Variants in NPHP1 observed in about 807,000 individuals in gnomAD.
The protein encoded by NPHP1 is nephrocystin-1.
A neutral mutation model predicts 90.4 loss-of-function variants in NPHP1; 70 were observed. The observed-to-expected ratio is 0.77, with a 90% CI of 0.64 to 0.95. The LOEUF is 0.95. Among genes scored for constraint, NPHP1 ranks in the 40% least tolerant of loss-of-function variants. The pLI, the probability that NPHP1 is intolerant of heterozygous loss-of-function variation, is 0.00. For synonymous variants in NPHP1, 256 were observed against 271.7 expected, an observed-to-expected ratio of 0.94 and a Z score of 0.57; for missense variants, 764 against 795.9, an observed-to-expected ratio of 0.96 and a Z score of 0.48.
intron 2 of NPHP1, among the ~76,000 whole-genome samples, chr2:110,194,678 A>T (rs1412645689): frequency 6.6e-6 from 1 of 152,184 alleles, no homozygotes; most frequent in Non-Finnish European, 1.5e-5. Flanking sequence ...TCATCCTGAT[A>T]CCAAAGCCTG....
intron 16 of NPHP1, among the ~76,000 whole-genome samples, chr2:110,132,750 C>T (rs545986673): frequency 1.1e-4 from 17 of 152,050 alleles, no homozygotes; most frequent in East Asian, 1.9e-4. Flanking sequence ...AATTCAACAT[C>T]GAAGTTAAAT....
intron 5 of NPHP1, among the ~76,000 whole-genome samples, chr2:110,169,230 A>C (rs1682938510): frequency 2.0e-5 from 3 of 152,124 alleles, no homozygotes; most frequent in African/African-American, 7.2e-5. Context: ...TAATATTCTT[A>C]TGTATTTTAT....
chr2:110,143,987 A>G, intron 15 of NPHP1: 1 of 341,874 alleles, frequency 2.9e-6, no homozygotes, highest in Non-Finnish European at 5.5e-6. Flanking sequence ...GAATCACCAA[A>G]CAAATAGAGG....
intron 1 of NPHP1, among the ~76,000 whole-genome samples, chr2:110,204,357 C>G (rs17842667): frequency 0.043 from 6,514 of 152,238 alleles, 459 homozygotes; most frequent in African/African-American, 0.15. Flanking sequence ...TTATGAGTTA[C>G]TTGTATTTCC....
chr2:110,134,278 C>T (rs1375301375), intron 16 of NPHP1, among the ~76,000 whole-genome samples: 1 of 151,826 alleles, frequency 6.6e-6, no homozygotes, highest in Non-Finnish European at 1.5e-5. Flanking sequence ...AATACACAAC[C>T]TACTAAGGCT....
At chr2:110,190,421 TGCTG>T in intron 2 of NPHP1, among the ~76,000 whole-genome samples, 1 of 152,294 alleles carries the variant, frequency 6.6e-6, no homozygotes, top group Non-Finnish European at 1.5e-5. Context: ...GCACAGCAGC[TGCTG>T]GCCCAGGTGC....
rs113691770 is a variant in NPHP1 at position 110,178,507 on chromosome 2, T to C, written c.245A>G (p.Lys82Arg). Reference protein sequence around the residue: ...SAPVANYNQRKEEEHTLLDKL... With the variant: ...SAPVANYNQRREEEHTLLDKL... ...GTCCAAAAGAGTATGCTCCTCTTCT[T>C]TTCTCTGATTATAGTTTGCAACAGG... Residue 82 changes from lysine to arginine, a missense_variant, in exon 4 of 20, where the codon AAA (lysine) becomes AGA (arginine). Lys to Arg is a conservative substitution (Grantham distance 26, BLOSUM62 2). Coordinates refer to ENST00000445609, the MANE Select transcript of NPHP1 (RefSeq NM_001128178.3). 1 of 1,613,812 alleles carries C rather than the reference T, an allele frequency of 6.2e-7. No homozygotes were observed. The highest frequency in any genetic ancestry group is 1.7e-5 in the Admixed American group (1 of 60,028).
rs1017297981 is a variant in NPHP1 at position 110,124,039 on chromosome 2, T to C, written c.1786A>G (p.Thr596Ala). 1.9e-6 allele frequency: 3 copies of C among 1,614,026 alleles called. No individual in the cohort carries two copies. The African/African-American group carries it at 4.0e-5, about 22-fold the overall frequency. ...EKRDKEFLKS[T>A]FLLVYHDCVL... ...CAGTCATGGTAAACCAGGAGAAACG[T>C]GGACTTCAGGAACTCTTTGTCTCTC... The change falls in exon 20 of 20, where the codon ACG becomes GCG. Residue 596 changes from threonine (T) to alanine (A), a missense_variant. By Grantham distance (58) the Thr-to-Ala change is moderately conservative (BLOSUM62 0). Transcript: ENST00000445609.
intron 2 of NPHP1, among the ~76,000 whole-genome samples, chr2:110,196,405 T>C (rs1685169189): frequency 6.6e-6 from 1 of 152,042 alleles, no homozygotes; most frequent in South Asian, 2.1e-4. Flanking sequence ...CATGAAAAAA[T>C]GCTCATCATC....
rs1684099734 is a variant in NPHP1, at chr2:110,184,017, C to T, written c.144-4333G>A. 3 of 426,770 alleles carry T rather than the reference C, an allele frequency of 7.0e-6. No individual in the cohort carries two copies. In the East Asian group the frequency reaches 1.9e-4, roughly 27 times the overall value. 26.4% of individuals were successfully genotyped at this position (426,770 alleles called of 1,614,324 possible). ...TTCATGAATGGCACTAGCGGCAGAC[C>T]CAACTGGTAGTTCCTTCCCCAGGAG... On this transcript the variant is annotated intron_variant, in intron 2 of 19. Transcript: ENST00000445609.
At chr2:110,183,783 C>G (rs1684081755) in intron 2 of NPHP1, among the ~76,000 whole-genome samples, 1 of 152,140 alleles carries the variant, frequency 6.6e-6, no homozygotes, top group Non-Finnish European at 1.5e-5. Context: ...AGGACCTGAA[C>G]TCAGCTCTGG....
rs1244534596 is a variant in NPHP1, at chr2:110,168,542, A to G, written c.534T>C (p.Ile178=). Residue 178 remains isoleucine (I), a synonymous_variant, in exon 6 of 20, where the codon ATT becomes ATC. Coordinates refer to ENST00000445609, the MANE Select transcript of NPHP1 (RefSeq NM_001128178.3). ...VGDLTFKKGE[I]LLVIEKKPDG... ...CAGGTTTTTTTTCAATTACAAGGAGAATTTCCCCTTTCTTAAAGCAAAACA... is the reference window on the plus strand; with the variant it reads ...CAGGTTTTTTTTCAATTACAAGGAGGATTTCCCCTTTCTTAAAGCAAAACA... 6.2e-7 allele frequency: 1 copy of G among 1,609,000 alleles called. No homozygotes were observed. The highest frequency in any genetic ancestry group is 1.1e-5 in the South Asian group (1 of 90,938).
intron 4 of NPHP1, among the ~76,000 whole-genome samples, chr2:110,176,136 G>T (rs933364467): frequency 2.0e-5 from 3 of 151,772 alleles, no homozygotes; most frequent in Non-Finnish European, 2.9e-5. Flanking sequence ...ATTAAAAATT[G>T]TTGTTTTATG....
intron 2 of NPHP1, among the ~76,000 whole-genome samples, chr2:110,199,636 AC>A (rs1391656634): frequency 1.5e-4 from 23 of 152,192 alleles, no homozygotes; most frequent in Admixed American, 5.2e-4. Flanking sequence ...CCCCAAAAAA[AC>A]ATCTCCCATA....
intron 2 of NPHP1, chr2:110,184,158 T>C (rs1684113702): frequency 1.4e-5 from 8 of 558,514 alleles, no homozygotes; most frequent in African/African-American, 7.6e-5. Flanking sequence ...CAAATACTGC[T>C]TTCCAAAGTA....
chr2:110,147,711 A>G (rs1470531702), intron 13 of NPHP1, among the ~76,000 whole-genome samples: 1 of 152,168 alleles, frequency 6.6e-6, no homozygotes, highest in Non-Finnish European at 1.5e-5. Context: ...CACTCAAGCT[A>G]TAAATGTGAA....
intron 16 of NPHP1, among the ~76,000 whole-genome samples, chr2:110,141,446 A>G (rs1680620416): frequency 6.6e-6 from 1 of 152,106 alleles, no homozygotes. Flanking sequence ...GAGATGTTAA[A>G]TGACTAGTCT....
chr2:110,164,786 T>C lies in NPHP1; in HGVS notation c.729-56A>G, dbSNP rs564649671. On this transcript the variant is annotated intron_variant, in intron 7 of 19. Transcript: ENST00000445609. The stretch of plus-strand genomic sequence containing the variant: ...GTCAGGTTATGCCTATTCACTCAAT[T>C]AGGGAACTTCTTTAATCACAGTTGA... 37 of 1,409,064 alleles carry C rather than the reference T, an allele frequency of 2.6e-5. No individual in the cohort carries two copies. The South Asian group carries it at 4.0e-4, about 15-fold the overall frequency. The allele number at this position is 1,409,064 out of a possible 1,614,324, so 87.3% of individuals were successfully genotyped here.
intron 2 of NPHP1, among the ~76,000 whole-genome samples, chr2:110,187,151 A>G (rs1318997414): frequency 1.3e-5 from 2 of 152,172 alleles, no homozygotes; most frequent in Non-Finnish European, 2.9e-5. Context: ...AAGCTAGCAG[A>G]AGACAAGAAA....
Sources: allele counts gnomAD v4.1 joint callset (sites outside exome capture counted in the v4.1 genomes callset), GRCh38; gene constraint gnomAD v4.1.1; transcripts MANE v1.5; gene names NCBI Gene and HGNC (gene_info 2026-07-23, HGNC 2026-07-21).